The following PCDHB3 variants were observed in gnomAD, a reference collection of about 807,000 sequenced individuals.
PCDHB3 encodes the protein protocadherin beta 3, also known as protocadherin beta-3.
For synonymous variants in PCDHB3, 479 were observed against 456.0 expected, an observed-to-expected ratio of 1.05 and a Z score of -0.64; for missense variants, 967 against 1,012.1, an observed-to-expected ratio of 0.96 and a Z score of 0.60.
Position 141,101,201 on chromosome 5 carries a change from T to A in PCDHB3, c.552T>A (p.Ser184Arg), listed in dbSNP as rs781973566. The change falls in exon 1 of 1, where the codon AGT (serine) becomes AGA (arginine). Residue 184 changes from serine to arginine, a missense_variant. By Grantham distance (110) the Ser-to-Arg change is moderately radical (BLOSUM62 -1). Coordinates refer to ENST00000231130, the MANE Select transcript of PCDHB3 (RefSeq NM_018937.5). Reference protein sequence around the residue: ...PNSHFHVLTRSRRDGRKYPEL... With the variant: ...PNSHFHVLTRRRRDGRKYPEL... ...CCCACTTCCACGTACTCACTCGCAG[T>A]CGTAGGGACGGAAGGAAGTACCCGG... 1 of 1,614,162 alleles carries A rather than the reference T, an allele frequency of 6.2e-7. No individual in the cohort carries two copies. The highest frequency in any genetic ancestry group is 8.5e-7 in the Non-Finnish European group (1 of 1,180,040).
rs782596603 is a variant in PCDHB3, at chr5:141,101,170, C to T, written c.521C>T (p.Pro174Leu). The T allele has an allele frequency of 5.6e-6, 9 of 1,614,006 alleles. No homozygotes were observed. The highest frequency in any genetic ancestry group is 1.7e-5 in the Admixed American group (1 of 60,004). ...RNSLQNYTIT[P>L]NSHFHVLTRS... is the part of the protein sequence containing the mutation. Reference sequence around the variant, plus strand: ...AGCCTCCAAAACTACACTATCACTCCGAATTCCCACTTCCACGTACTCACT... The same window carrying T: ...AGCCTCCAAAACTACACTATCACTCTGAATTCCCACTTCCACGTACTCACT... Residue 174 changes from proline to leucine, a missense_variant, in exon 1 of 1, where the codon CCG (proline) becomes CTG (leucine). By Grantham distance (98) the Pro-to-Leu change is moderately conservative. Coordinates refer to ENST00000231130, the MANE Select transcript of PCDHB3 (RefSeq NM_018937.5).
chr5:141,101,052 G>T lies in PCDHB3; in HGVS notation c.403G>T (p.Glu135Ter), dbSNP rs782440479. 5 of 1,614,188 alleles carry T rather than the reference G, an allele frequency of 3.1e-6. No individual in the cohort carries two copies. The highest frequency in any genetic ancestry group is 4.2e-6 in the Non-Finnish European group (5 of 1,180,036). Residue 135 changes from glutamate (E) to a stop codon, truncating the protein, a stop_gained, in exon 1 of 1, where the codon GAA becomes TAA. Coordinates refer to ENST00000231130, the MANE Select transcript of PCDHB3 (RefSeq NM_018937.5). LOFTEE classifies it low-confidence loss of function (END_TRUNC). ...DVNDHSPVFF[E>*]NEMHLKILES... ...AAATGACCATTCTCCGGTATTCTTT[G>T]AAAATGAAATGCATCTGAAAATCCT... is the stretch of plus-strand genomic sequence containing the variant.
rs782482924 is a variant in PCDHB3, at chr5:141,101,955, A to G, written c.1306A>G (p.Asn436Asp). Residue 436 changes from asparagine to aspartate, a missense_variant, in exon 1 of 1, where the codon AAC (asparagine) becomes GAC (aspartate). Asn to Asp is a conservative substitution (Grantham distance 23). Coordinates refer to ENST00000231130, the MANE Select transcript of PCDHB3 (RefSeq NM_018937.5). ...GACACCCAGGCTGAAAACCAAGTACAACATAACCGTGCTGGTCTCCGACGT... is the reference window on the plus strand; with the variant it reads ...GACACCCAGGCTGAAAACCAAGTACGACATAACCGTGCTGGTCTCCGACGT... ...LGTPRLKTKYNITVLVSDVND... is the reference protein window; with the variant it reads ...LGTPRLKTKYDITVLVSDVND... The G allele has an allele frequency of 1.9e-6, 3 of 1,613,758 alleles. No individual in the cohort carries two copies. The highest frequency in any genetic ancestry group is 1.7e-6 in the Non-Finnish European group (2 of 1,180,030).
At position 141,101,843 on chromosome 5, in the gene PCDHB3, GA is replaced by G; in HGVS notation, c.1196del (p.Asn399IlefsTer5). On this transcript the variant is annotated frameshift_variant, in exon 1 of 1. Transcript: ENST00000231130. LOFTEE classifies it low-confidence loss of function (END_TRUNC). ...CCTTCTTCCTGAAACCATCTGTAGAGAATTTTTACACCCTAGTGTCAGAAGG... is the reference window on the plus strand; with the variant it reads ...CCTTCTTCCTGAAACCATCTGTAGAGATTTTTACACCCTAGTGTCAGAAGG... ...LPFFLKPSVE[N>X]FYTLVSEGAL... 3 of 1,614,112 alleles carry G rather than the reference GA, an allele frequency of 1.9e-6. No homozygotes were observed. The African/African-American group carries it at 4.0e-5, about 22-fold the overall frequency.
chr5:141,102,367 C>G lies in PCDHB3; in HGVS notation c.1718C>G (p.Thr573Ser). 1 of 1,611,190 alleles carries G rather than the reference C, an allele frequency of 6.2e-7. No homozygotes were observed. The highest frequency in any genetic ancestry group is 8.5e-7 in the Non-Finnish European group (1 of 1,179,676). Residue 573 changes from threonine (T) to serine (S), a missense_variant, in exon 1 of 1, where the codon ACC (threonine) becomes AGC (serine). Transcript: ENST00000231130. Reference protein sequence around the residue: ...YPLQNGSAPCTELVPRAAEPG... With the variant: ...YPLQNGSAPCSELVPRAAEPG... ...CTGCAGAACGGCTCCGCGCCCTGCA[C>G]CGAGCTGGTGCCCCGGGCGGCTGAG... is the stretch of plus-strand genomic sequence containing the variant.
Position 141,102,418 on chromosome 5 carries a change from T to C in PCDHB3, c.1769T>C (p.Val590Ala), listed in dbSNP as rs1554272561. 6.2e-7 allele frequency: 1 copy of C among 1,610,698 alleles called. No individual in the cohort carries two copies. The highest frequency in any genetic ancestry group is 1.7e-5 in the Admixed American group (1 of 59,990). Residue 590 changes from valine (V) to alanine (A), a missense_variant, in exon 1 of 1, where the codon GTG (valine) becomes GCG (alanine). Val to Ala is a moderately conservative substitution (Grantham distance 64). Transcript: ENST00000231130. ...CCGGGCTACCTGGTGACCAAGGTGG[T>C]GGCGGTGGACGGCGACTCGGGCCAG... ...AEPGYLVTKV[V>A]AVDGDSGQNA...
Position 141,103,821 on chromosome 5 carries a change from T to A in PCDHB3, c.*781T>A, listed in dbSNP as rs1752020521. ...GGAAAAAAATTAAACCTATGCCATT[T>A]AAAAAACTGACTGTTCTTTTCCATT... On this transcript the variant is annotated 3_prime_UTR_variant, in exon 1 of 1. Transcript: ENST00000231130. The A allele has an allele frequency of 6.6e-6, 1 of 152,222 alleles. No homozygotes were observed. Among genetic ancestry groups the A allele is most frequent in the African/African-American group, 2.4e-5 (1 of 41,460 alleles). 9.4% of individuals were successfully genotyped at this position (152,222 alleles called of 1,614,324 possible). A position where few individuals can be genotyped will look rare whatever the true frequency, so the allele number is the denominator to read the frequency against.
chr5:141,102,350 C>T lies in PCDHB3; in HGVS notation c.1701C>T (p.Asn567=), dbSNP rs61738626. The T allele has an allele frequency of 2.2e-5, 35 of 1,611,158 alleles. No individual in the cohort carries two copies. Among genetic ancestry groups the T allele is most frequent in the Middle Eastern group, 2.2e-4 (1 of 4,520 alleles). Residue 567 remains asparagine, a synonymous_variant, in exon 1 of 1, where the codon AAC becomes AAT. Transcript: ENST00000231130. ...NSPFVLYPLQ[N]GSAPCTELVP... ...CCTTCGTGCTGTACCCGCTGCAGAACGGCTCCGCGCCCTGCACCGAGCTGG... is the reference window on the plus strand; with the variant it reads ...CCTTCGTGCTGTACCCGCTGCAGAATGGCTCCGCGCCCTGCACCGAGCTGG...
Position 141,101,664 on chromosome 5 carries a change from G to C in PCDHB3, c.1015G>C (p.Asp339His), listed in dbSNP as rs1229961533. Residue 339 changes from aspartate (D) to histidine (H), a missense_variant, in exon 1 of 1, where the codon GAT (aspartate) becomes CAT (histidine). By Grantham distance (81) the Asp-to-His change is moderately conservative. Coordinates refer to ENST00000231130, the MANE Select transcript of PCDHB3 (RefSeq NM_018937.5). ...GTCTACAGTCATAGTCCAGGTGGTTGATGTCAACGACAACCCACCGGAACT... is the reference window on the plus strand; with the variant it reads ...GTCTACAGTCATAGTCCAGGTGGTTCATGTCAACGACAACCCACCGGAACT... ...GKSTVIVQVV[D>H]VNDNPPELTL... 1 of 1,613,926 alleles carries C rather than the reference G, an allele frequency of 6.2e-7. No individual in the cohort carries two copies. Among genetic ancestry groups the C allele is most frequent in the Non-Finnish European group, 8.5e-7 (1 of 1,180,024 alleles).
chr5:141,100,827 G>GC lies in PCDHB3; in HGVS notation c.180dup (p.Ala61ArgfsTer23). The GC allele has an allele frequency of 6.2e-7, 1 of 1,614,148 alleles. No homozygotes were observed. The highest frequency in any genetic ancestry group is 8.5e-7 in the Non-Finnish European group (1 of 1,180,038). On this transcript the variant is annotated frameshift_variant, in exon 1 of 1. Coordinates refer to ENST00000231130, the MANE Select transcript of PCDHB3 (RefSeq NM_018937.5). LOFTEE classifies it low-confidence loss of function (END_TRUNC). ...TCTGGGACTAAGGGTAGAGGAACTG[G>GC]CCGCGAGGGGGGCCCAAGTTGTGTC...
In PCDHB3 at chr5:141,102,956, A is replaced by G; in HGVS notation, c.2307A>G (p.Pro769=). Residue 769 remains proline, a synonymous_variant, in exon 1 of 1, where the codon CCA becomes CCG. Coordinates refer to ENST00000231130, the MANE Select transcript of PCDHB3 (RefSeq NM_018937.5). ...SGTNEFKFLK[P]IIPNFVAQGA... ...CAAATGAGTTCAAGTTCCTGAAGCC[A>G]ATTATCCCCAACTTCGTTGCTCAGG... 1.2e-6 allele frequency: 2 copies of G among 1,607,630 alleles called. No individual in the cohort carries two copies. The highest frequency in any genetic ancestry group is 1.7e-6 in the Non-Finnish European group (2 of 1,177,084).
rs1554272519 is a variant in PCDHB3 at position 141,102,277 on chromosome 5, G to C, written c.1628G>C (p.Ser543Thr). The part of the protein sequence containing the change: ...ATDRGSPALS[S>T]EALVRVLVLD... ...GACCGTGGCTCCCCGGCTTTGAGCA[G>C]CGAGGCGCTGGTGCGCGTGCTGGTG... The change falls in exon 1 of 1, where the codon AGC becomes ACC. Residue 543 changes from serine (S) to threonine (T), a missense_variant. Transcript: ENST00000231130. 3 of 1,611,946 alleles carry C rather than the reference G, an allele frequency of 1.9e-6. No homozygotes were observed. In the South Asian group the frequency reaches 3.3e-5, roughly 18 times the overall value.
chr5:141,100,953 T>C lies in PCDHB3; in HGVS notation c.304T>C (p.Cys102Arg). 1.2e-6 allele frequency: 2 copies of C among 1,614,076 alleles called. No homozygotes were observed. The highest frequency in any genetic ancestry group is 1.7e-6 in the Non-Finnish European group (2 of 1,180,026). The change falls in exon 1 of 1, where the codon TGC becomes CGC. Residue 102 changes from cysteine (C) to arginine (R), a missense_variant. Physicochemically the swap from Cys to Arg is radical, Grantham distance 180. Transcript: ENST00000231130. Reference protein sequence around the residue: ...REELCGPTEPCILHFQILLQN... With the variant: ...REELCGPTEPRILHFQILLQN... ...GGAGCTATGCGGCCCCACAGAACCA[T>C]GCATACTACATTTTCAGATATTACT...
Position 141,102,296 on chromosome 5 carries a change from G to A in PCDHB3, c.1647G>A (p.Val549=), listed in dbSNP as rs782051206. The change falls in exon 1 of 1, where the codon GTG becomes GTA. Residue 549 remains valine, a synonymous_variant. Transcript: ENST00000231130. The part of the protein sequence containing the change: ...PALSSEALVR[V]LVLDANDNSP... ...TGAGCAGCGAGGCGCTGGTGCGCGT[G>A]CTGGTGCTGGACGCCAACGACAACT... The A allele has an allele frequency of 3.7e-6, 6 of 1,611,742 alleles. No homozygotes were observed. The highest frequency in any genetic ancestry group is 1.7e-5 in the Admixed American group (1 of 59,992).
rs1554272028 is a variant in PCDHB3, at chr5:141,100,536, G to A, written c.-114G>A. On this transcript the variant is annotated 5_prime_UTR_variant, in exon 1 of 1. Coordinates refer to ENST00000231130, the MANE Select transcript of PCDHB3 (RefSeq NM_018937.5). ...TTGAGCCAGCAAGTCTGAGCCTCTG[G>A]AAAGGCTTATTCACTAGGCCGTCTA... 2 of 832,658 alleles carry A rather than the reference G, an allele frequency of 2.4e-6. No individual in the cohort carries two copies. Among genetic ancestry groups the A allele is most frequent in the East Asian group, 4.9e-5 (2 of 40,526 alleles). The allele number at this position is 832,658 out of a possible 1,614,324, so 51.6% of individuals were successfully genotyped here. A position where few individuals can be genotyped will look rare whatever the true frequency, so the allele number is the denominator to read the frequency against.
In PCDHB3 at chr5:141,102,417, G is replaced by A. The variant is rs782457785; in HGVS notation, c.1768G>A (p.Val590Met). The part of the protein sequence containing the change: ...AEPGYLVTKV[V>M]AVDGDSGQNA... ...GCCGGGCTACCTGGTGACCAAGGTG[G>A]TGGCGGTGGACGGCGACTCGGGCCA... The change falls in exon 1 of 1, where the codon GTG (valine) becomes ATG (methionine). Residue 590 changes from valine to methionine, a missense_variant. Physicochemically the swap from Val to Met is conservative, Grantham distance 21. Coordinates refer to ENST00000231130, the MANE Select transcript of PCDHB3 (RefSeq NM_018937.5). 5.9e-5 allele frequency: 95 copies of A among 1,610,790 alleles called. No homozygotes were observed. The highest frequency in any genetic ancestry group is 7.8e-5 in the Non-Finnish European group (92 of 1,179,644).
Position 141,103,213 on chromosome 5 carries a change from G to C in PCDHB3, c.*173G>C, listed in dbSNP as rs1752006706. ...GTTTCATTAACAGTACTGGAAAGTAGTTGTGTGGCTCTGAATGTTTTGTAT... is the reference window on the plus strand; with the variant it reads ...GTTTCATTAACAGTACTGGAAAGTACTTGTGTGGCTCTGAATGTTTTGTAT... On this transcript the variant is annotated 3_prime_UTR_variant, in exon 1 of 1. Coordinates refer to ENST00000231130, the MANE Select transcript of PCDHB3 (RefSeq NM_018937.5). 3 of 651,306 alleles carry C rather than the reference G, an allele frequency of 4.6e-6. No homozygotes were observed. Among genetic ancestry groups the C allele is most frequent in the Admixed American group, 3.4e-5 (1 of 29,658 alleles). 40.3% of individuals were successfully genotyped at this position (651,306 alleles called of 1,614,324 possible).
At position 141,101,527 on chromosome 5, in the gene PCDHB3, AG is replaced by A; in HGVS notation, c.879del (p.Gln293HisfsTer2). On this transcript the variant is annotated frameshift_variant, in exon 1 of 1. Coordinates refer to ENST00000231130, the MANE Select transcript of PCDHB3 (RefSeq NM_018937.5). LOFTEE classifies it low-confidence loss of function (END_TRUNC). Reference sequence around the variant, plus strand: ...TCTGAAGAAATTCGCAAAACTTTTCAGCTAAATCCAATTACTGGTGATATGC... The same window carrying A: ...TCTGAAGAAATTCGCAAAACTTTTCACTAAATCCAATTACTGGTGATATGC... The part of the protein sequence containing the change: ...HASEEIRKTF[Q>X]LNPITGDMQL... 1 of 1,614,120 alleles carries A rather than the reference AG, an allele frequency of 6.2e-7. No homozygotes were observed. Among genetic ancestry groups the A allele is most frequent in the Non-Finnish European group, 8.5e-7 (1 of 1,179,976 alleles).
rs1554272071 is a variant in PCDHB3 at position 141,100,744 on chromosome 5, G to A, written c.95G>A (p.Arg32His). 3.1e-6 allele frequency: 5 copies of A among 1,614,000 alleles called. No homozygotes were observed. In the Admixed American group the frequency reaches 8.3e-5, roughly 27 times the overall value. Residue 32 changes from arginine to histidine, a missense_variant, in exon 1 of 1, where the codon CGC becomes CAC. By Grantham distance (29) the Arg-to-His change is conservative. Coordinates refer to ENST00000231130, the MANE Select transcript of PCDHB3 (RefSeq NM_018937.5). ...TCTCTGGCTGGGTCCGAGTCAAGACGCTATTCTGTGGCTGAGGAAAAAGAG... is the reference window on the plus strand; with the variant it reads ...TCTCTGGCTGGGTCCGAGTCAAGACACTATTCTGTGGCTGAGGAAAAAGAG... Reference protein sequence around the residue: ...GGSLAGSESRRYSVAEEKEKG... With the variant: ...GGSLAGSESRHYSVAEEKEKG...
Sources: gnomAD v4.1 joint callset for allele counts on GRCh38, gnomAD v4.1.1 for gene constraint, MANE v1.5 for transcripts, NCBI Gene and HGNC (gene_info 2026-07-23, HGNC 2026-07-21) for gene names.